Variants in NALCN observed in about 807,000 individuals in gnomAD.
The protein encoded by NALCN is sodium leak channel NALCN.
A neutral mutation model predicts 225.3 loss-of-function variants in NALCN; 111 were observed. That is an observed-to-expected ratio of 0.49 (90% CI 0.42 to 0.58). The LOEUF (loss-of-function observed/expected upper bound fraction) is 0.58, where lower values mean the gene tolerates loss of function less well. NALCN is among the 20% of genes least tolerant of loss of function. The pLI is 0.00. For missense variants in NALCN, 1,378 were observed against 2,202.4 expected (o/e 0.63, Z 7.49); for synonymous variants, 764 against 769.0 (o/e 0.99, Z 0.11).
intron 3 of NALCN, among the ~76,000 whole-genome samples, chr13:101,394,579 G>A (rs922539428): frequency 6.6e-6 from 1 of 152,118 alleles, no homozygotes; most frequent in Non-Finnish European, 1.5e-5. Context: ...AAGATATCCA[G>A]TGACAGAAAT....
chr13:101,397,361 A>C (rs1186502463), intron 2 of NALCN, among the ~76,000 whole-genome samples: 2 of 150,526 alleles, frequency 1.3e-5, no homozygotes, highest in Non-Finnish European at 3.0e-5. Context: ...AACATGTTCT[A>C]GATAAGACAT....
chr13:101,165,980 A>G (rs2139889281), intron 15 of NALCN, among the ~76,000 whole-genome samples: 1 of 152,368 alleles, frequency 6.6e-6, no homozygotes, highest in African/African-American at 2.4e-5. Flanking sequence ...ATAAACTCAC[A>G]TAAGAGAAAC....
At chr13:101,073,518 C>T (rs1201685549) in intron 37 of NALCN, 66 bp downstream of exon 37, 13 of 1,329,148 alleles carry the variant, frequency 9.8e-6, no homozygotes, top group Non-Finnish European at 1.4e-5. Flanking sequence ...ATCCTGCCAA[C>T]ATTGTGTTGC....
At chr13:101,404,705 A>G (rs901778105) in intron 1 of NALCN, among the ~76,000 whole-genome samples, 1 of 152,220 alleles carries the variant, frequency 6.6e-6, no homozygotes, top group Admixed American at 6.5e-5. Flanking sequence ...ATGGCTGCTT[A>G]CACATGGTTT....
At chr13:101,206,045 A>G (rs1402803626) in intron 13 of NALCN, among the ~76,000 whole-genome samples, 1 of 152,040 alleles carries the variant, frequency 6.6e-6, no homozygotes, top group Non-Finnish European at 1.5e-5. Flanking sequence ...ATATTAAAAT[A>G]AACCACACTT....
At chr13:101,058,642 A>G (rs1594110299) in intron 42 of NALCN, 1 of 148,192 alleles carries the variant, frequency 6.7e-6, no homozygotes, top group Non-Finnish European at 1.5e-5. Context: ...CTTGGTCTTC[A>G]CATCTCTTTA....
chr13:101,160,664 T>C (rs116574640), intron 15 of NALCN, among the ~76,000 whole-genome samples: 4,518 of 152,278 alleles, frequency 0.03, 202 homozygotes, highest in African/African-American at 0.095. Context: ...TGTTTTGTTT[T>C]TGTTTTTTTT....
intron 10 of NALCN, among the ~76,000 whole-genome samples, chr13:101,271,242 C>T (rs544585159): frequency 1.3e-5 from 2 of 151,788 alleles, no homozygotes; most frequent in South Asian, 2.1e-4. Flanking sequence ...TTATCCTATG[C>T]CTGGTCATCT....
At chr13:101,113,567 G>A (rs920876084) in intron 18 of NALCN, among the ~76,000 whole-genome samples, 7 of 152,186 alleles carry the variant, frequency 4.6e-5, no homozygotes, top group African/African-American at 1.4e-4. Context: ...TCATACAAAA[G>A]CATGGTAAAA....
intron 10 of NALCN, among the ~76,000 whole-genome samples, chr13:101,262,257 CATAGCTCTAT>C (rs1455493215): frequency 6.6e-6 from 1 of 152,140 alleles, no homozygotes; most frequent in Non-Finnish European, 1.5e-5. Flanking sequence ...TAATATCCAC[CATAGCTCTAT>C]ATGGTGAGAT....
chr13:101,368,312 G>A (rs914763345), intron 6 of NALCN, among the ~76,000 whole-genome samples: 4 of 151,802 alleles, frequency 2.6e-5, no homozygotes, highest in African/African-American at 9.7e-5. Flanking sequence ...TTTCATCCAC[G>A]TCCCTACCAA....
intron 17 of NALCN, among the ~76,000 whole-genome samples, chr13:101,142,298 C>T (rs890865773): frequency 6.6e-6 from 1 of 151,704 alleles, no homozygotes; most frequent in Non-Finnish European, 1.5e-5. Flanking sequence ...TCCACCACCA[C>T]GCCCAGCTGA....
intron 17 of NALCN, among the ~76,000 whole-genome samples, chr13:101,132,301 T>C (rs186053936): frequency 1.2e-3 from 182 of 152,204 alleles, no homozygotes; most frequent in Non-Finnish European, 2.2e-3. Context: ...GTAGGTTTTT[T>C]TGTGGTTATT....
chr13:101,094,798 C>T (rs955052757), intron 28 of NALCN, among the ~76,000 whole-genome samples: 9 of 152,120 alleles, frequency 5.9e-5, no homozygotes, highest in African/African-American at 2.2e-4. Flanking sequence ...AAATGCTGTT[C>T]CTTTTAAAGA....
chr13:101,072,668 G>A (rs532555518), intron 37 of NALCN, among the ~76,000 whole-genome samples: 10 of 152,280 alleles, frequency 6.6e-5, no homozygotes, highest in Admixed American at 3.9e-4. Flanking sequence ...CAAGTTTGGG[G>A]AGAGACTGGT....
chr13:101,300,217 A>G (rs1362776627), intron 7 of NALCN, among the ~76,000 whole-genome samples: 2 of 152,098 alleles, frequency 1.3e-5, no homozygotes, highest in Non-Finnish European at 2.9e-5. Flanking sequence ...CTAGAACTAA[A>G]TTACTTGGGA....
chr13:101,400,544 A>AGG (rs2047437414), intron 1 of NALCN, among the ~76,000 whole-genome samples: 1 of 135,150 alleles, frequency 7.4e-6, no homozygotes, highest in Non-Finnish European at 1.7e-5. Context: ...ACATGTTTGC[A>AGG]GTGTGTGTGT....
chr13:101,129,861 T>A (rs2036430289), intron 17 of NALCN, among the ~76,000 whole-genome samples: 1 of 152,042 alleles, frequency 6.6e-6, no homozygotes, highest in African/African-American at 2.4e-5. Flanking sequence ...CCTAATGCTA[T>A]CCCTCCCCTT....
At chr13:101,378,238 T>C (rs188017579) in intron 4 of NALCN, among the ~76,000 whole-genome samples, 86 of 152,266 alleles carry the variant, frequency 5.6e-4, no homozygotes, top group African/African-American at 1.9e-3. Flanking sequence ...ATTACAGCTA[T>C]TGACTTTTCT....
Sources: allele counts gnomAD v4.1 joint callset (sites outside exome capture counted in the v4.1 genomes callset), GRCh38; gene constraint gnomAD v4.1.1; transcripts MANE v1.5; gene names NCBI Gene and HGNC (gene_info 2026-07-23, HGNC 2026-07-21).